WNK2: variants seen among roughly 807,000 people sequenced by gnomAD.
WNK2 encodes the protein serine/threonine-protein kinase WNK2.
WNK2 carries 67 observed loss-of-function variants against 192.1 expected under a neutral mutation model. The observed-to-expected ratio is 0.35, with a 90% CI of 0.29 to 0.43. The LOEUF is 0.43. Among genes scored for constraint, WNK2 ranks in the 20% least tolerant of loss-of-function variants. WNK2 has a pLI of 1.00. For missense variants in WNK2, 2,698 were observed against 3,089.7 expected, an observed-to-expected ratio of 0.87 and a Z score of 3.01; for synonymous variants, 1,439 against 1,393.9, an observed-to-expected ratio of 1.03 and a Z score of -0.72.
intron 7 of WNK2, among the ~76,000 whole-genome samples, chr9:93,243,792 C>T (rs1393020025): frequency 6.6e-6 from 1 of 152,256 alleles, no homozygotes; most frequent in Non-Finnish European, 1.5e-5. Flanking sequence ...CGTCACTGGC[C>T]TCCCTGGGGT....
At position 93,256,371 on chromosome 9, in the gene WNK2, G is replaced by A. The variant is rs1260811596; in HGVS notation, c.2107G>A (p.Ala703Thr). ...CCTCCAGCAGCACTTCCCGGATCCG[G>A]CCATGAGCTTCGCCCCCGTGCTGCC... ...PSLQQHFPDP[A>T]MSFAPVLPPP... is the part of the protein sequence containing the mutation. The change falls in exon 10 of 30, where the codon GCC becomes ACC. Residue 703 changes from alanine to threonine, a missense_variant. Transcript: ENST00000427277. The A allele has an allele frequency of 6.3e-7, 1 of 1,577,044 alleles. No homozygotes were observed. The highest frequency in any genetic ancestry group is 8.6e-7 in the Non-Finnish European group (1 of 1,167,830).
intron 19 of WNK2, among the ~76,000 whole-genome samples, chr9:93,280,808 G>A (rs1429843669): frequency 6.6e-6 from 1 of 152,156 alleles, no homozygotes; most frequent in Non-Finnish European, 1.5e-5. Context: ...TAAAGAACCT[G>A]TTTTTTCTCT....
intron 2 of WNK2, among the ~76,000 whole-genome samples, chr9:93,192,380 G>A (rs1436314114): frequency 3.9e-5 from 6 of 152,202 alleles, no homozygotes; most frequent in African/African-American, 1.4e-4. Context: ...GGCCTGGCAG[G>A]ATGTGGCTGC....
At chr9:93,309,401 C>T (rs1051773175) in intron 28 of WNK2, among the ~76,000 whole-genome samples, 8 of 152,218 alleles carry the variant, frequency 5.3e-5, no homozygotes, top group African/African-American at 1.4e-4. Context: ...ATTTCTTCTA[C>T]ACTTTTAACA....
intron 2 of WNK2, among the ~76,000 whole-genome samples, chr9:93,195,043 G>C: frequency 6.6e-6 from 1 of 151,530 alleles, no homozygotes; most frequent in Non-Finnish European, 1.5e-5. Flanking sequence ...AAAAAGTTCA[G>C]TGGTTGCCAG....
chr9:93,293,227 TCC>T lies in WNK2; in HGVS notation c.5708+56_5708+57del, dbSNP rs1009119948. The T allele has an allele frequency of 3.6e-6, 5 of 1,392,774 alleles. No homozygotes were observed. In the African/African-American group the frequency reaches 5.9e-5, roughly 16 times the overall value. 86.3% of individuals were successfully genotyped at this position (1,392,774 alleles called of 1,614,324 possible). ...CCCGCCCCTGGGCCATGGCACCCCT[TCC>T]CAGTTGTGAGGGAACCCTGGTGCCG... is the stretch of plus-strand genomic sequence containing the variant. On this transcript the variant is annotated intron_variant, in intron 23 of 29. Coordinates refer to ENST00000427277, the MANE Select transcript of WNK2 (RefSeq NM_006648.4).
chr9:93,299,233 C>T lies in WNK2; in HGVS notation c.6087C>T (p.Ala2029=), dbSNP rs1851159914. 6.3e-7 allele frequency: 1 copy of T among 1,584,528 alleles called. No individual in the cohort carries two copies. Among genetic ancestry groups the T allele is most frequent in the African/African-American group, 1.3e-5 (1 of 74,260 alleles). ...SLSSDICSGL[A]SDGGGARGQG... ...CTTCGGACATCTGCTCCGGCTTAGC[C>T]AGTGATGGAGGCGGAGCGCGTGGCC... Residue 2029 remains alanine, a synonymous_variant, in exon 25 of 30, where the codon GCC becomes GCT. Transcript: ENST00000427277.
Position 93,247,844 on chromosome 9 carries a change from CAG to C in WNK2, c.1834+11_1834+12del, listed in dbSNP as rs1359170118. On this transcript the variant is annotated intron_variant, in intron 8 of 29. Coordinates refer to ENST00000427277, the MANE Select transcript of WNK2 (RefSeq NM_006648.4). This position sits in a 1 kb window ranked among gnomAD's most constrained non-coding sequence, Gnocchi z 5.2. ...GCCACCTCCCTGGCCTGTGAGTGCT[CAG>C]GGGTGGGATGGCCATGGGCACCCCT... 1.8e-5 allele frequency: 27 copies of C among 1,535,160 alleles called. No homozygotes were observed. Among genetic ancestry groups the C allele is most frequent in the Middle Eastern group, 2.3e-4 (1 of 4,388 alleles).
intron 16 of WNK2, among the ~76,000 whole-genome samples, chr9:93,266,273 C>A (rs1283362841): frequency 6.6e-6 from 1 of 152,174 alleles, no homozygotes; most frequent in African/African-American, 2.4e-5. Flanking sequence ...GGTTAGAGGT[C>A]GGCAGGCCTT....
At position 93,239,027 on chromosome 9, in the gene WNK2, C is replaced by T. The variant is rs1840285695; in HGVS notation, c.1322+706C>T. 6.6e-6 allele frequency among the ~76,000 whole-genome samples: 1 copy of T among 152,228 alleles called. No homozygotes were observed. The highest frequency in any genetic ancestry group is 2.4e-5 in the African/African-American group (1 of 41,460). The stretch of plus-strand genomic sequence containing the variant: ...AGCACACACAGAGGAAGCCAGGCCC[C>T]AAAGAGTGCGTGCTGTGTGGTTCCA... On this transcript the variant is annotated intron_variant, in intron 6 of 29. Transcript: ENST00000427277. The surrounding 1 kb of genome is among the most constrained non-coding windows in gnomAD (Gnocchi z 4.2).
intron 2 of WNK2, among the ~76,000 whole-genome samples, chr9:93,218,137 T>G (rs943857438): frequency 4.6e-5 from 7 of 152,074 alleles, no homozygotes; most frequent in Non-Finnish European, 1.0e-4. Context: ...GAACCCTGTG[T>G]GGGGGCAGGG....
intron 19 of WNK2, among the ~76,000 whole-genome samples, chr9:93,285,026 T>C (rs1479634681): frequency 3.3e-5 from 5 of 152,230 alleles, no homozygotes; most frequent in Non-Finnish European, 7.3e-5. Flanking sequence ...ATCAATATAA[T>C]TCTATATAAT....
At chr9:93,232,313 G>A (rs1458902562) in intron 4 of WNK2, among the ~76,000 whole-genome samples, 1 of 152,196 alleles carries the variant, frequency 6.6e-6, no homozygotes, top group Non-Finnish European at 1.5e-5. Context: ...GCATTCTGGG[G>A]GAGCTGAGTG....
intron 2 of WNK2, among the ~76,000 whole-genome samples, chr9:93,227,473 G>C (rs1238840137): frequency 6.6e-6 from 1 of 151,866 alleles, no homozygotes; most frequent in South Asian, 2.1e-4. Flanking sequence ...TGTGGTCTTT[G>C]TTGGCATTTT....
At chr9:93,193,992 G>A (rs1326375449) in intron 2 of WNK2, among the ~76,000 whole-genome samples, 1 of 152,162 alleles carries the variant, frequency 6.6e-6, no homozygotes, top group Admixed American at 6.6e-5. Flanking sequence ...AGGAGCAAAG[G>A]CAATAAAATA....
intron 21 of WNK2, among the ~76,000 whole-genome samples, chr9:93,291,209 C>T (rs1378926665): frequency 1.3e-5 from 2 of 152,154 alleles, no homozygotes; most frequent in Non-Finnish European, 2.9e-5. Context: ...CCAGCCCTGA[C>T]CACGCTGGGC....
At position 93,311,540 on chromosome 9, in the gene WNK2, A is replaced by T. The variant is rs1249930339; in HGVS notation, c.6516+2956A>T. On this transcript the variant is annotated intron_variant, in intron 28 of 29. Transcript: ENST00000427277. ...AACAGCTATACCATTTGACATTTCC[A>T]CTAACAGTGCACAAAGGTTCCAGTT... Among the ~76,000 whole-genome samples the T allele has an allele frequency of 3.3e-5, 5 of 152,070 alleles. No homozygotes were observed. In the South Asian group the frequency reaches 8.3e-4, roughly 25 times the overall value.
At chr9:93,258,607 G>A (rs760128598) in intron 11 of WNK2, among the ~76,000 whole-genome samples, 108 of 152,238 alleles carry the variant, frequency 7.1e-4, no homozygotes, top group Non-Finnish European at 1.3e-3. Context: ...CTCCCTCAGA[G>A]CCCCCAGCAT....
intron 2 of WNK2, among the ~76,000 whole-genome samples, chr9:93,195,734 GA>G (rs1317253941): frequency 2.5e-5 from 3 of 119,966 alleles, no homozygotes; most frequent in East Asian, 2.5e-4. Flanking sequence ...AGATGTTGCT[GA>G]AAAAAAATAT....
Sources: gnomAD v4.1 joint callset for allele counts (sites outside exome capture counted in the v4.1 genomes callset) on GRCh38, gnomAD v4.1.1 for gene constraint, Gnocchi (gnomAD v3.1) non-coding constraint, MANE v1.5 for transcripts, NCBI Gene and HGNC (gene_info 2026-07-23, HGNC 2026-07-21) for gene names.